The following YTHDF2 variants were observed in gnomAD, a reference collection of about 807,000 sequenced individuals.
The protein encoded by YTHDF2 is YTH domain-containing family protein 2.
YTHDF2 carries 2 observed loss-of-function variants against 50.4 expected under a neutral mutation model. That is an observed-to-expected ratio of 0.04 (90% CI 0.02 to 0.12). The LOEUF (loss-of-function observed/expected upper bound fraction) is 0.12, where lower values mean the gene tolerates loss of function less well. YTHDF2 is among the 10% of genes least tolerant of loss of function. The pLI, the probability that YTHDF2 is intolerant of heterozygous loss-of-function variation, is 1.00. For missense variants in YTHDF2, 483 were observed against 722.6 expected (o/e 0.67, Z 3.80); for synonymous variants, 217 against 255.6 (o/e 0.85, Z 1.44).
chr1:28,740,557 T>C (rs2087759945), intron 3 of YTHDF2, among the ~76,000 whole-genome samples: 1 of 152,228 alleles, frequency 6.6e-6, no homozygotes, highest in Non-Finnish European at 1.5e-5. Context: ...TTTGGAATAA[T>C]ACTTCAAGTT....
chr1:28,763,296 CAG>C (rs1046346720), intron 4 of YTHDF2, among the ~76,000 whole-genome samples: 11 of 152,048 alleles, frequency 7.2e-5, no homozygotes, highest in African/African-American at 1.2e-4. Context: ...TTATTTGAGA[CAG>C]AGTTTTGCTC....
intron 4 of YTHDF2, among the ~76,000 whole-genome samples, chr1:28,752,296 T>TTG (rs1557545838): frequency 3.3e-5 from 5 of 151,290 alleles, no homozygotes; most frequent in Non-Finnish European, 4.4e-5. Flanking sequence ...CTGTGGTGTT[T>TTG]TTGTTGTTGT....
intron 4 of YTHDF2, among the ~76,000 whole-genome samples, chr1:28,745,750 CAT>C (rs1557542587): frequency 2.5e-5 from 3 of 120,350 alleles, no homozygotes; most frequent in Admixed American, 1.0e-4. Context: ...AAAAAACTAA[CAT>C]ATTTTGGCCT....
intron 4 of YTHDF2, among the ~76,000 whole-genome samples, chr1:28,763,037 G>GC (rs2088158257): frequency 6.6e-6 from 1 of 152,178 alleles, no homozygotes; most frequent in African/African-American, 2.4e-5. Flanking sequence ...ATGTTGGCCA[G>GC]CCCTGTCTTG....
chr1:28,737,761 CG>C (rs2087717318), intron 2 of YTHDF2, 79 bp downstream of exon 2: 2 of 1,565,174 alleles, frequency 1.3e-6, no homozygotes, highest in Non-Finnish European at 1.7e-6. Context: ...GGAAGCGCCC[CG>C]GGCGGAGGAC....
rs182279933 is a variant in YTHDF2, at chr1:28,738,518, C to T, written c.132+180C>T. 1.2e-4 allele frequency among the ~76,000 whole-genome samples: 19 copies of T among 152,190 alleles called. No homozygotes were observed. In the East Asian group the frequency reaches 3.7e-3, roughly 29 times the overall value. On this transcript the variant is annotated intron_variant, in intron 3 of 4. Transcript: ENST00000373812. ...GGGGTGTAGTGGCGCAATTTCGGCT[C>T]GCTCCAACTTCCGCCTCTCGGGTTC...
intron 4 of YTHDF2, among the ~76,000 whole-genome samples, chr1:28,752,496 A>G (rs913823545): frequency 6.6e-6 from 1 of 152,094 alleles, no homozygotes; most frequent in Non-Finnish European, 1.5e-5. Flanking sequence ...AGGTTTCACC[A>G]TATTGGTCAG....
chr1:28,753,746 C>T (rs999079758), intron 4 of YTHDF2, among the ~76,000 whole-genome samples: 3 of 150,492 alleles, frequency 2.0e-5, no homozygotes, highest in African/African-American at 4.9e-5. Flanking sequence ...TCGCTTTGTC[C>T]CCCAGGCTGG....
At chr1:28,758,588 A>G (rs913775123) in intron 4 of YTHDF2, among the ~76,000 whole-genome samples, 2 of 152,196 alleles carry the variant, frequency 1.3e-5, no homozygotes, top group Non-Finnish European at 2.9e-5. Context: ...AGTTGCTGCT[A>G]ATTACAGGCA....
At chr1:28,761,128 TG>T (rs1353168862) in intron 4 of YTHDF2, among the ~76,000 whole-genome samples, 1,535 of 51,224 alleles carry the variant, frequency 0.03, 19 homozygotes, top group Non-Finnish European at 0.047. Context: ...TGTGTGTGTG[TG>T]TATTTTTTTT....
chr1:28,761,905 G>A (rs1350179318), intron 4 of YTHDF2, among the ~76,000 whole-genome samples: 1 of 152,056 alleles, frequency 6.6e-6, no homozygotes, highest in African/African-American at 2.4e-5. Flanking sequence ...AAAATACTTT[G>A]TCTCTTTATC....
At chr1:28,754,461 C>T (rs949574544) in intron 4 of YTHDF2, among the ~76,000 whole-genome samples, 2 of 151,922 alleles carry the variant, frequency 1.3e-5, no homozygotes, top group Non-Finnish European at 2.9e-5. Flanking sequence ...ACACTGGAGG[C>T]GGAGTTTGCA....
chr1:28,744,015 T>C, intron 4 of YTHDF2, 29 bp downstream of exon 4: 1 of 1,516,324 alleles, frequency 6.6e-7, no homozygotes, highest in Non-Finnish European at 8.8e-7. Flanking sequence ...TTAAGATTTT[T>C]AGGGAAGGAG....
At position 28,743,358 on chromosome 1, in the gene YTHDF2, A is replaced by G. The variant is rs766355549; in HGVS notation, c.1088A>G (p.His363Arg). Residue 363 changes from histidine (H) to arginine (R), a missense_variant, in exon 4 of 5, where the codon CAT (histidine) becomes CGT (arginine). By Grantham distance (29) the His-to-Arg change is conservative (BLOSUM62 0). Coordinates refer to ENST00000373812, the MANE Select transcript of YTHDF2 (RefSeq NM_016258.3). The surrounding 1 kb of genome is among the most constrained non-coding windows in gnomAD (Gnocchi z 6.9). ...CGGAACCGTGGCAGTGGGTTCGGTCATAATGGGGTGGATGGTAATGGAGTA... is the reference window on the plus strand; with the variant it reads ...CGGAACCGTGGCAGTGGGTTCGGTCGTAATGGGGTGGATGGTAATGGAGTA... ...APRNRGSGFG[H>R]NGVDGNGVGQ... The G allele has an allele frequency of 1.2e-6, 2 of 1,614,090 alleles. No homozygotes were observed. Among genetic ancestry groups the G allele is most frequent in the East Asian group, 2.2e-5 (1 of 44,896 alleles).
At chr1:28,756,832 A>G (rs1410203657) in intron 4 of YTHDF2, among the ~76,000 whole-genome samples, 3 of 152,168 alleles carry the variant, frequency 2.0e-5, no homozygotes, top group East Asian at 3.8e-4. Context: ...AGCATGATGA[A>G]GGACTGTTCT....
At position 28,747,396 on chromosome 1, in the gene YTHDF2, C is replaced by G. The variant is rs932702709; in HGVS notation, c.1716+3410C>G. Among the ~76,000 whole-genome samples, 11 of 151,712 alleles carry G rather than the reference C, an allele frequency of 7.3e-5. No homozygotes were observed. In the East Asian group the frequency reaches 9.9e-4, roughly 14 times the overall value. On this transcript the variant is annotated intron_variant, in intron 4 of 4. Coordinates refer to ENST00000373812, the MANE Select transcript of YTHDF2 (RefSeq NM_016258.3). ...ACCAGCCTGGTCAACATGGTGAAAC[C>G]CTGTGTCTACTAAAAATACAAAAAT...
chr1:28,743,851 G>A lies in YTHDF2; in HGVS notation c.1581G>A (p.Arg527=), dbSNP rs1234281954. ...NNENKPVTNS[R]DTQEVPLEKA... Reference sequence around the variant, plus strand: ...AGAATAAACCAGTGACCAACTCTAGGGACACTCAGGAAGTGCCTCTGGAAA... The same window carrying A: ...AGAATAAACCAGTGACCAACTCTAGAGACACTCAGGAAGTGCCTCTGGAAA... The change falls in exon 4 of 5, where the codon AGG becomes AGA. Residue 527 remains arginine, a synonymous_variant. Transcript: ENST00000373812. This position sits in a 1 kb window ranked among gnomAD's most constrained non-coding sequence, Gnocchi z 6.9. 1.9e-6 allele frequency: 3 copies of A among 1,613,634 alleles called. No individual in the cohort carries two copies. In the Admixed American group the frequency reaches 5.0e-5, roughly 27 times the overall value.
chr1:28,748,665 A>T (rs2087901631), intron 4 of YTHDF2, among the ~76,000 whole-genome samples: 1 of 152,214 alleles, frequency 6.6e-6, no homozygotes, highest in South Asian at 2.1e-4. Context: ...GACATGTTTG[A>T]TAGATGTGAC....
intron 4 of YTHDF2, among the ~76,000 whole-genome samples, chr1:28,759,335 CCT>C (rs1008079857): frequency 2.6e-5 from 4 of 152,126 alleles, no homozygotes; most frequent in African/African-American, 9.7e-5. Flanking sequence ...GATGGAAAAT[CCT>C]CTGAGCCTAA....
Sources: gnomAD v4.1 joint callset for allele counts (sites outside exome capture counted in the v4.1 genomes callset) on GRCh38, gnomAD v4.1.1 for gene constraint, Gnocchi (gnomAD v3.1) non-coding constraint, MANE v1.5 for transcripts, NCBI Gene and HGNC (gene_info 2026-07-23, HGNC 2026-07-21) for gene names.